The following MED27 variants were observed in gnomAD, a reference collection of about 807,000 sequenced individuals.
MED27 encodes mediator complex subunit 27.
A neutral mutation model predicts 38.2 loss-of-function variants in MED27; 30 were observed. The ratio of observed to expected loss-of-function variants is 0.79; its 90% CI spans 0.59 to 1.07. The LOEUF is 1.07. Among genes scored for constraint, MED27 ranks in the 50% least tolerant of loss-of-function variants. The pLI is 0.00. For synonymous variants in MED27, 122 were observed against 153.5 expected (o/e 0.79, Z 1.52); for missense variants, 289 against 397.5 (o/e 0.73, Z 2.32).
At chr9:131,987,736 T>C (rs186437023) in intron 3 of MED27, among the ~76,000 whole-genome samples, 13 of 152,376 alleles carry the variant, frequency 8.5e-5, no homozygotes, top group Admixed American at 7.8e-4. Flanking sequence ...GCAATTAAAA[T>C]GCTATGGGCA....
intron 6 of MED27, chr9:131,869,382 G>C: frequency 3.1e-6 from 3 of 974,154 alleles, no homozygotes; most frequent in Non-Finnish European, 3.6e-6. Flanking sequence ...GGAAAAAACA[G>C]GCCTGGGGCA....
rs116063485 is a variant in MED27 at position 131,918,222 on chromosome 9, T to C, written c.573+21159A>G. On this transcript the variant is annotated intron_variant, in intron 4 of 7. Coordinates refer to ENST00000292035, the MANE Select transcript of MED27 (RefSeq NM_004269.4). ...ATTACGGGGCTTTCAAAGGTATCTT[T>C]AGAAATTATGAGTCTGATGATTTGG... is the stretch of plus-strand genomic sequence containing the variant. Among the ~76,000 whole-genome samples the C allele has an allele frequency of 9.4e-3, 1,426 of 152,316 alleles. 20 individuals carry two copies. Among genetic ancestry groups the C allele is most frequent in the African/African-American group, 0.03 (1,262 of 41,566 alleles).
chr9:131,956,254 C>G (rs1044342031), intron 3 of MED27, among the ~76,000 whole-genome samples: 6 of 152,112 alleles, frequency 3.9e-5, no homozygotes, highest in African/African-American at 1.4e-4. Context: ...TGGTGGCTGC[C>G]AGGAGATGGT....
At chr9:131,948,608 C>T (rs902201145) in intron 3 of MED27, among the ~76,000 whole-genome samples, 1 of 152,066 alleles carries the variant, frequency 6.6e-6, no homozygotes, top group African/African-American at 2.4e-5. Flanking sequence ...GAAATAAACA[C>T]ACACTAGCTT....
intron 2 of MED27, among the ~76,000 whole-genome samples, chr9:132,040,576 G>A (rs1272749556): frequency 2.0e-5 from 3 of 152,204 alleles, no homozygotes; most frequent in East Asian, 1.9e-4. Context: ...TACTAAGGCA[G>A]CATGTTTACT....
intron 5 of MED27, among the ~76,000 whole-genome samples, chr9:131,887,976 C>T (rs1000570026): frequency 1.3e-5 from 2 of 152,234 alleles, no homozygotes; most frequent in South Asian, 2.1e-4. Flanking sequence ...AGCACAGACA[C>T]GTCTGTTCTC....
At chr9:131,933,083 C>A (rs1830618976) in intron 4 of MED27, among the ~76,000 whole-genome samples, 1 of 152,000 alleles carries the variant, frequency 6.6e-6, no homozygotes. Flanking sequence ...ATGATAAAAA[C>A]CTTCAAAAAT....
intron 3 of MED27, among the ~76,000 whole-genome samples, chr9:131,967,457 G>A (rs1299547263): frequency 6.6e-6 from 1 of 151,652 alleles, no homozygotes; most frequent in Non-Finnish European, 1.5e-5. Flanking sequence ...AGAGTCTCCA[G>A]CTCAGAAAAC....
intron 2 of MED27, among the ~76,000 whole-genome samples, chr9:132,060,264 G>A (rs945880991): frequency 1.3e-5 from 2 of 152,136 alleles, no homozygotes; most frequent in African/African-American, 4.8e-5. Context: ...CCATCTTGTC[G>A]AAATGCAGAC....
chr9:132,055,569 TCACACTGCAAAC>T (rs1316813730), intron 2 of MED27, among the ~76,000 whole-genome samples: 3 of 152,208 alleles, frequency 2.0e-5, no homozygotes, highest in Non-Finnish European at 2.9e-5. Context: ...GTGGGTCAAC[TCACACTGCAAAC>T]CACAAATGAA....
At chr9:131,873,709 T>C (rs978168629) in intron 6 of MED27, among the ~76,000 whole-genome samples, 10 of 152,206 alleles carry the variant, frequency 6.6e-5, no homozygotes, top group African/African-American at 2.4e-4. Flanking sequence ...CTGCCTGAGC[T>C]GGAACTGGAG....
chr9:131,973,668 T>C (rs1355698207), intron 3 of MED27, among the ~76,000 whole-genome samples: 1 of 151,970 alleles, frequency 6.6e-6, no homozygotes, highest in Non-Finnish European at 1.5e-5. Context: ...AACAGCAGTT[T>C]ACAAAGATGA....
At chr9:131,869,513 T>A in intron 6 of MED27, 1 of 708,972 alleles carries the variant, frequency 1.4e-6, no homozygotes, top group Non-Finnish European at 1.7e-6. Context: ...GCCCTCCCCC[T>A]TGGCGGAGGC....
intron 2 of MED27, among the ~76,000 whole-genome samples, chr9:132,048,754 C>CG (rs1020645481): frequency 1.3e-5 from 2 of 152,174 alleles, no homozygotes; most frequent in African/African-American, 4.8e-5. Context: ...ACCTGCATCA[C>CG]GGGGGTGGCG....
intron 3 of MED27, among the ~76,000 whole-genome samples, chr9:131,960,412 G>A (rs1170612796): frequency 1.3e-5 from 2 of 152,118 alleles, no homozygotes; most frequent in Non-Finnish European, 2.9e-5. Context: ...GTGTGTGTGT[G>A]CGCTCGTGCA....
chr9:131,870,864 C>T (rs764999965), intron 6 of MED27, among the ~76,000 whole-genome samples: 1 of 152,254 alleles, frequency 6.6e-6, no homozygotes, highest in Non-Finnish European at 1.5e-5. Context: ...CCCAACCCTC[C>T]AAACGGTCTG....
chr9:132,057,418 C>T (rs1378701947), intron 2 of MED27, among the ~76,000 whole-genome samples: 1 of 152,196 alleles, frequency 6.6e-6, no homozygotes, highest in Non-Finnish European at 1.5e-5. Flanking sequence ...TGGGTAATCA[C>T]ATATGGAGGC....
intron 2 of MED27, among the ~76,000 whole-genome samples, chr9:132,018,962 G>A (rs1350297475): frequency 6.6e-6 from 1 of 152,032 alleles, no homozygotes; most frequent in East Asian, 1.9e-4. Flanking sequence ...GCAAAGAATG[G>A]CATAGAATTA....
At chr9:131,965,307 G>C (rs184612544) in intron 3 of MED27, among the ~76,000 whole-genome samples, 34 of 152,290 alleles carry the variant, frequency 2.2e-4, no homozygotes, top group African/African-American at 7.0e-4. Flanking sequence ...CTTCTAGCGC[G>C]AGGCCATGGC....
Sources: allele counts gnomAD v4.1 joint callset (sites outside exome capture counted in the v4.1 genomes callset), GRCh38; gene constraint gnomAD v4.1.1; transcripts MANE v1.5; gene names NCBI Gene and HGNC (gene_info 2026-07-23, HGNC 2026-07-21).